NDUFV3: variants seen among roughly 807,000 people sequenced by gnomAD.
NDUFV3 encodes NADH dehydrogenase [ubiquinone] flavoprotein 3, mitochondrial.
A neutral mutation model predicts 37.5 loss-of-function variants in NDUFV3; 44 were observed. That is an observed-to-expected ratio of 1.17 (90% CI 0.92 to 1.51). The LOEUF (loss-of-function observed/expected upper bound fraction) is 1.51, where lower values mean the gene tolerates loss of function less well. NDUFV3 is among the 40% of genes most tolerant of loss of function. NDUFV3 has a pLI of 0.00. For missense variants in NDUFV3, 580 were observed against 580.4 expected (o/e 1.00, Z 0.01); for synonymous variants, 235 against 239.3 (o/e 0.98, Z 0.17).
chr21:42,903,818 A>G lies in NDUFV3; in HGVS notation c.806A>G (p.Gln269Arg). The change falls in exon 3 of 4, where the codon CAG becomes CGG. Residue 269 changes from glutamine (Q) to arginine (R), a missense_variant. Gln to Arg is a conservative substitution (Grantham distance 43). Transcript: ENST00000354250. ...LKQSLKEKQLQKTFRLNEIDK... is the reference protein window; with the variant it reads ...LKQSLKEKQLRKTFRLNEIDK... ...CAAAGTTTAAAGGAAAAACAATTGC[A>G]GAAAACATTTAGATTAAATGAAATA... is the stretch of plus-strand genomic sequence containing the variant. The G allele has an allele frequency of 6.2e-7, 1 of 1,614,110 alleles. No homozygotes were observed. The highest frequency in any genetic ancestry group is 8.5e-7 in the Non-Finnish European group (1 of 1,180,022).
At chr21:42,901,499 G>A (rs2146156219) in intron 2 of NDUFV3, among the ~76,000 whole-genome samples, 1 of 152,070 alleles carries the variant, frequency 6.6e-6, no homozygotes, top group Non-Finnish European at 1.5e-5. Context: ...TACTCGGGAG[G>A]CTGAGGCAGG....
chr21:42,906,724 G>A (rs766290767), intron 3 of NDUFV3: 5 of 377,254 alleles, frequency 1.3e-5, no homozygotes, highest in Non-Finnish European at 2.1e-5. Context: ...TAGGCAGTCC[G>A]TGCCCCAGTA....
intron 2 of NDUFV3, among the ~76,000 whole-genome samples, chr21:42,898,249 G>A (rs577371708): frequency 6.6e-6 from 1 of 152,050 alleles, no homozygotes. Context: ...CTCCTGCCTC[G>A]TTTTTCAATC....
At position 42,897,061 on chromosome 21, in the gene NDUFV3, G is replaced by A. The variant is rs778015270; in HGVS notation, c.169+14G>A. 1.2e-6 allele frequency: 2 copies of A among 1,613,328 alleles called. No individual in the cohort carries two copies. Among genetic ancestry groups the A allele is most frequent in the Non-Finnish European group, 1.7e-6 (2 of 1,179,584 alleles). ...GTCCACCAAAAAGTAAGATTTTGAT[G>A]GTAGTCATAAGGGAAAGAGAATGCA... On this transcript the variant is annotated intron_variant, in intron 2 of 3. Transcript: ENST00000354250.
At chr21:42,894,362 A>G (rs1446234045) in intron 1 of NDUFV3, among the ~76,000 whole-genome samples, 1 of 36,650 alleles carries the variant, frequency 2.7e-5, no homozygotes, top group Non-Finnish European at 4.3e-5. Flanking sequence ...AATATATATT[A>G]TATATATATT....
chr21:42,904,579 C>A (rs538102680), intron 3 of NDUFV3, among the ~76,000 whole-genome samples: 1 of 146,670 alleles, frequency 6.8e-6, no homozygotes, highest in East Asian at 2.0e-4. Flanking sequence ...CAACTTCCAT[C>A]TCAAGCACTT....
At chr21:42,897,968 G>A (rs143161152) in intron 2 of NDUFV3, among the ~76,000 whole-genome samples, 5,980 of 152,280 alleles carry the variant, frequency 0.039, 143 homozygotes, top group South Asian at 0.1. Context: ...GAGCCACCGT[G>A]CCCAGTCCTA....
At chr21:42,898,562 C>T (rs1272189806) in intron 2 of NDUFV3, among the ~76,000 whole-genome samples, 1 of 151,962 alleles carries the variant, frequency 6.6e-6, no homozygotes, top group East Asian at 1.9e-4. Flanking sequence ...CTCGACCTTC[C>T]AAGCTCAAGT....
In NDUFV3 at chr21:42,909,063, C is replaced by A; in HGVS notation, c.*42C>A. Reference sequence around the variant, plus strand: ...GATGAACCTTCCACCGTCTTCACTGCATCCTGGAGTGCAAAAATAAAATCC... The same window carrying A: ...GATGAACCTTCCACCGTCTTCACTGAATCCTGGAGTGCAAAAATAAAATCC... On this transcript the variant is annotated 3_prime_UTR_variant, in exon 4 of 4. Coordinates refer to ENST00000354250, the MANE Select transcript of NDUFV3 (RefSeq NM_021075.4). The A allele has an allele frequency of 6.3e-7, 1 of 1,598,630 alleles. No individual in the cohort carries two copies. Among genetic ancestry groups the A allele is most frequent in the East Asian group, 2.2e-5 (1 of 44,726 alleles).
intron 2 of NDUFV3, among the ~76,000 whole-genome samples, chr21:42,898,085 T>C (rs1355560424): frequency 1.3e-5 from 2 of 152,340 alleles, no homozygotes; most frequent in Middle Eastern, 3.4e-3. Context: ...TTAGATTCTT[T>C]TGTTTTCTTC....
At chr21:42,903,081 G>A in intron 2 of NDUFV3, 101 bp from the exon 3 acceptor site, 1 of 1,461,698 alleles carries the variant, frequency 6.8e-7, no homozygotes, top group South Asian at 1.2e-5. Context: ...TTGCATTGAA[G>A]ATACTGTCAG....
At chr21:42,894,786 T>A (rs1268647734) in intron 1 of NDUFV3, among the ~76,000 whole-genome samples, 1 of 151,594 alleles carries the variant, frequency 6.6e-6, no homozygotes, top group African/African-American at 2.4e-5. Context: ...TATGTTCACA[T>A]AAGCACATGT....
At chr21:42,902,569 G>C (rs949218347) in intron 2 of NDUFV3, among the ~76,000 whole-genome samples, 1 of 152,174 alleles carries the variant, frequency 6.6e-6, no homozygotes, top group African/African-American at 2.4e-5. Flanking sequence ...GAAGCAACAA[G>C]GCGAATTCCT....
chr21:42,901,444 A>G (rs565660879), intron 2 of NDUFV3, among the ~76,000 whole-genome samples: 3 of 151,570 alleles, frequency 2.0e-5, no homozygotes, highest in South Asian at 2.1e-4. Flanking sequence ...CTCCATCTCA[A>G]AAAAAAATTA....
At position 42,905,257 on chromosome 21, in the gene NDUFV3, G is replaced by A. The variant is rs533601108; in HGVS notation, c.1264+981G>A. 3.9e-5 allele frequency among the ~76,000 whole-genome samples: 6 copies of A among 152,250 alleles called. No homozygotes were observed. The South Asian group carries it at 1.0e-3, about 26-fold the overall frequency. On this transcript the variant is annotated intron_variant, in intron 3 of 3. Coordinates refer to ENST00000354250, the MANE Select transcript of NDUFV3 (RefSeq NM_021075.4). ...TCGCTAAGTGAAAAGGGGAGCCTCC[G>A]GTTTAACTTGCATAGGTGAAGAGCA...
intron 1 of NDUFV3, 110 bp from the exon 2 acceptor site, chr21:42,896,817 C>A (rs375669121): frequency 8.7e-7 from 1 of 1,143,230 alleles, no homozygotes. Context: ...CCAGCCTGGA[C>A]GACTGAGAGA....
intron 1 of NDUFV3, among the ~76,000 whole-genome samples, chr21:42,894,377 TAA>T (rs1491258464): frequency 2.8e-5 from 1 of 35,496 alleles, no homozygotes. Flanking sequence ...TATATTTATA[TAA>T]TATGTAAATA....
chr21:42,893,403 G>C (rs1232968102), intron 1 of NDUFV3, 22 bp downstream of exon 1: 1 of 1,535,406 alleles, frequency 6.5e-7, no homozygotes, highest in Non-Finnish European at 8.7e-7. Context: ...GCCAGCCTGG[G>C]CTGGCTGCGC....
At position 42,903,621 on chromosome 21, in the gene NDUFV3, A is replaced by G. The variant is rs1220087782; in HGVS notation, c.609A>G (p.Val203=). ...SFENRAPRVT[V]SAKEKTLLQK... is the part of the protein sequence containing the mutation. Reference sequence around the variant, plus strand: ...AAAACAGAGCCCCCCGAGTTACAGTATCAGCAAAAGAGAAAACCTTGCTGC... The same window carrying G: ...AAAACAGAGCCCCCCGAGTTACAGTGTCAGCAAAAGAGAAAACCTTGCTGC... The change falls in exon 3 of 4, where the codon GTA becomes GTG. Residue 203 remains valine, a synonymous_variant. Transcript: ENST00000354250. 3 of 1,613,930 alleles carry G rather than the reference A, an allele frequency of 1.9e-6. No individual in the cohort carries two copies. Among genetic ancestry groups the G allele is most frequent in the Admixed American group, 3.3e-5 (2 of 59,998 alleles).
Sources: gnomAD v4.1 joint callset for allele counts (sites outside exome capture counted in the v4.1 genomes callset) on GRCh38, gnomAD v4.1.1 for gene constraint, MANE v1.5 for transcripts, NCBI Gene and HGNC (gene_info 2026-07-23, HGNC 2026-07-21) for gene names.